NEXMIF: variants seen among roughly 807,000 people sequenced by gnomAD.
NEXMIF encodes the protein XLMR protein related to neurite extension.
NEXMIF carries 8 observed loss-of-function variants against 62.1 expected under a neutral mutation model. The observed-to-expected ratio is 0.13, with a 90% CI of 0.08 to 0.23. NEXMIF has a LOEUF of 0.23. NEXMIF is among the 10% of genes least tolerant of loss of function. The pLI is 1.00. For synonymous variants in NEXMIF, 404 were observed against 416.6 expected (o/e 0.97, Z 0.37); for missense variants, 976 against 1,113.3 (o/e 0.88, Z 1.75).
intron 1 of NEXMIF, among the ~76,000 whole-genome samples, chrX:74,843,393 T>C (rs896063987): frequency 3.6e-5 from 4 of 110,197 alleles, no homozygotes; most frequent in Non-Finnish European, 5.7e-5. Flanking sequence ...CTCTTGAAGA[T>C]AGCATACTAT....
chrX:74,901,979 T>C (rs1460342621), intron 1 of NEXMIF, among the ~76,000 whole-genome samples: 2 of 111,088 alleles, frequency 1.8e-5, no homozygotes, highest in African/African-American at 3.3e-5. Flanking sequence ...AGCTCAGAAA[T>C]GTCGTAGGGG....
At chrX:74,878,633 T>G (rs916164827) in intron 1 of NEXMIF, among the ~76,000 whole-genome samples, 1 of 112,746 alleles carries the variant, frequency 8.9e-6, no homozygotes, top group African/African-American at 3.2e-5. Flanking sequence ...GTGCTCGCAA[T>G]CAGCGGGACT....
intron 1 of NEXMIF, among the ~76,000 whole-genome samples, chrX:74,751,452 CTCTT>C (rs906697972): frequency 9.1e-5 from 10 of 109,307 alleles, no homozygotes; most frequent in Non-Finnish European, 1.9e-4. Flanking sequence ...TAATTTTTGT[CTCTT>C]TCTTTCTTGC....
chrX:74,874,774 T>C lies in NEXMIF; in HGVS notation c.-48+50109A>G, dbSNP rs1400841021. 9.5e-5 allele frequency among the ~76,000 whole-genome samples: 9 copies of C among 94,346 alleles called. No individual in the cohort carries two copies. The East Asian group carries it at 3.3e-3, about 35-fold the overall frequency. 81.9% of individuals were successfully genotyped at this position (94,346 alleles called of 115,157 possible). ...GAAGCAATTGTGAATGGGAGTTCAC[T>C]CATGATTTGGCTCTCTGTTTGTCTG... On this transcript the variant is annotated intron_variant, in intron 1 of 3. Coordinates refer to ENST00000055682, the MANE Select transcript of NEXMIF (RefSeq NM_001008537.3).
chrX:74,821,636 C>G (rs1267211049), intron 1 of NEXMIF, among the ~76,000 whole-genome samples: 1 of 111,856 alleles, frequency 8.9e-6, no homozygotes, highest in Non-Finnish European at 1.9e-5. Context: ...CCTCCCTTTC[C>G]CTCTTTTACC....
intron 1 of NEXMIF, among the ~76,000 whole-genome samples, chrX:74,776,754 A>G (rs1397302520): frequency 1.8e-5 from 2 of 109,019 alleles, no homozygotes; most frequent in Admixed American, 2.0e-4. Flanking sequence ...AACAAACAAA[A>G]AAAGGAAGTA....
At chrX:74,920,477 GT>G (rs1439914849) in intron 1 of NEXMIF, among the ~76,000 whole-genome samples, 4 of 110,881 alleles carry the variant, frequency 3.6e-5, no homozygotes, top group East Asian at 5.7e-4. Context: ...GGGGTTGTTT[GT>G]TTTTTTCTTG....
intron 1 of NEXMIF, among the ~76,000 whole-genome samples, chrX:74,914,361 C>G (rs1460766738): frequency 8.9e-6 from 1 of 111,856 alleles, no homozygotes; most frequent in Non-Finnish European, 1.9e-5. Flanking sequence ...CTTATGTTCA[C>G]ACAAAAATGC....
In NEXMIF at chrX:74,807,580, G is replaced by A. The variant is rs145654355; in HGVS notation, c.-47-61883C>T. On this transcript the variant is annotated intron_variant, in intron 1 of 3. Transcript: ENST00000055682. The stretch of plus-strand genomic sequence containing the variant: ...CAGGTTCAAGCGATTCTCCTGCCTC[G>A]GCCTCACAAGTAGCTGGGATTACAG... 4.3e-3 allele frequency among the ~76,000 whole-genome samples: 470 copies of A among 110,587 alleles called. 1 individual carries two copies. The highest frequency in any genetic ancestry group is 0.015 in the African/African-American group (450 of 30,375).
intron 1 of NEXMIF, among the ~76,000 whole-genome samples, chrX:74,817,918 C>T (rs2080381205): frequency 9.1e-6 from 1 of 110,083 alleles, no homozygotes; most frequent in Non-Finnish European, 1.9e-5. Flanking sequence ...AAGATCTATA[C>T]AAAAAAATGA....
intron 2 of NEXMIF, among the ~76,000 whole-genome samples, chrX:74,744,983 C>A (rs1031038155): frequency 1.2e-4 from 12 of 104,172 alleles, no homozygotes; most frequent in African/African-American, 3.8e-4. Flanking sequence ...CTCTCTCCCT[C>A]TCTCTCTTTC....
chrX:74,747,060 C>T lies in NEXMIF; in HGVS notation c.-47-1363G>A, dbSNP rs1175928431. Among the ~76,000 whole-genome samples the T allele has an allele frequency of 4.5e-5, 5 of 111,818 alleles. No homozygotes were observed. The Admixed American group carries it at 4.8e-4, about 11-fold the overall frequency. On this transcript the variant is annotated intron_variant, in intron 1 of 3. Coordinates refer to ENST00000055682, the MANE Select transcript of NEXMIF (RefSeq NM_001008537.3). ...TGAACAGATTGGATAGCTGCCTCTG[C>T]TTCAAAGACGACCCTATAAATCAGA...
intron 1 of NEXMIF, among the ~76,000 whole-genome samples, chrX:74,860,199 A>T (rs187697348): frequency 2.7e-5 from 3 of 111,926 alleles, no homozygotes; most frequent in East Asian, 5.6e-4. Context: ...ATTCAACAAG[A>T]GGATATACCA....
intron 1 of NEXMIF, among the ~76,000 whole-genome samples, chrX:74,794,297 G>A (rs2080297443): frequency 9.4e-6 from 1 of 106,199 alleles, no homozygotes; most frequent in Admixed American, 1.0e-4. Context: ...CGGGGGTCAG[G>A]GGTCAGGGAC....
intron 1 of NEXMIF, among the ~76,000 whole-genome samples, chrX:74,793,054 C>G (rs1345334365): frequency 1.8e-5 from 2 of 109,375 alleles, no homozygotes; most frequent in East Asian, 5.8e-4. Context: ...TTAGTTGATG[C>G]AGTTTCTTCC....
chrX:74,733,232 T>C lies in NEXMIF; in HGVS notation c.*6173A>G, dbSNP rs2080076809. 1 of 112,350 alleles carries C rather than the reference T, an allele frequency of 8.9e-6. No homozygotes were observed. The highest frequency in any genetic ancestry group is 3.7e-4 in the South Asian group (1 of 2,725). 9.3% of individuals were successfully genotyped at this position (112,350 alleles called of 1,213,427 possible). A position where few individuals can be genotyped will look rare whatever the true frequency, so the allele number is the denominator to read the frequency against. On this transcript the variant is annotated 3_prime_UTR_variant, in exon 4 of 4. Coordinates refer to ENST00000055682, the MANE Select transcript of NEXMIF (RefSeq NM_001008537.3). Reference sequence around the variant, plus strand: ...GTATGATTAGAACCTTCTATGGCAATTTGACATTGATGAGTGGACTTGTCT... The same window carrying C: ...GTATGATTAGAACCTTCTATGGCAACTTGACATTGATGAGTGGACTTGTCT...
chrX:74,806,028 C>A (rs909814103), intron 1 of NEXMIF, among the ~76,000 whole-genome samples: 1 of 110,615 alleles, frequency 9.0e-6, no homozygotes, highest in East Asian at 2.8e-4. Context: ...TATTGTTGAG[C>A]TTTAACAGTT....
At chrX:74,900,913 A>G (rs1298909187) in intron 1 of NEXMIF, among the ~76,000 whole-genome samples, 1 of 112,260 alleles carries the variant, frequency 8.9e-6, no homozygotes, top group Non-Finnish European at 1.9e-5. Context: ...AAAGACAAAT[A>G]CTGTATGATT....
intron 2 of NEXMIF, among the ~76,000 whole-genome samples, chrX:74,744,980 CCTCT>C (rs1388432450): frequency 2.1e-5 from 2 of 96,227 alleles, no homozygotes; most frequent in South Asian, 5.6e-4. Flanking sequence ...TCCCTCTCTC[CCTCT>C]CTCTCTTTCT....
Sources: gnomAD v4.1 joint callset for allele counts (sites outside exome capture counted in the v4.1 genomes callset) on GRCh38, gnomAD v4.1.1 for gene constraint, MANE v1.5 for transcripts, NCBI Gene and HGNC (gene_info 2026-07-23, HGNC 2026-07-21) for gene names.